TCF4: variants seen among roughly 807,000 people sequenced by gnomAD.
TCF4 encodes the protein transcription factor 4.
A neutral mutation model predicts 82.1 loss-of-function variants in TCF4; 3 were observed. That is an observed-to-expected ratio of 0.04 (90% CI 0.02 to 0.09). The LOEUF (loss-of-function observed/expected upper bound fraction) is 0.09, where lower values mean the gene tolerates loss of function less well. Among genes scored for constraint, TCF4 ranks in the 10% least tolerant of loss-of-function variants. TCF4 has a pLI of 1.00. For synonymous variants in TCF4, 276 were observed against 309.6 expected, an observed-to-expected ratio of 0.89 and a Z score of 1.14; for missense variants, 518 against 852.7, an observed-to-expected ratio of 0.61 and a Z score of 4.89.
intron 6 of TCF4, among the ~76,000 whole-genome samples, chr18:55,389,339 C>T (rs73492955): frequency 0.053 from 8,091 of 152,200 alleles, 326 homozygotes; most frequent in African/African-American, 0.11. Context: ...CAGATAGAGA[C>T]GGCAAGCCTA....
At chr18:55,241,591 T>A (rs2051247989) in intron 15 of TCF4, among the ~76,000 whole-genome samples, 1 of 152,228 alleles carries the variant, frequency 6.6e-6, no homozygotes, top group South Asian at 2.1e-4. Flanking sequence ...TGCACAGTCA[T>A]GCTGCTGACC....
chr18:55,621,806 ATTATATAT>A (rs1437363187), intron 2 of TCF4, among the ~76,000 whole-genome samples: 1 of 77,868 alleles, frequency 1.3e-5, no homozygotes, highest in Non-Finnish European at 2.3e-5. Context: ...TATATGTTAT[ATTATATAT>A]TATATTATAT....
chr18:55,332,369 T>C (rs969067156), intron 8 of TCF4: 2 of 151,836 alleles, frequency 1.3e-5, no homozygotes, highest in Admixed American at 6.6e-5. Flanking sequence ...TTAACAGAAA[T>C]ATATGTTCAT....
At chr18:55,380,708 C>A (rs1430258483) in intron 6 of TCF4, among the ~76,000 whole-genome samples, 3 of 152,214 alleles carry the variant, frequency 2.0e-5, no homozygotes, top group African/African-American at 7.2e-5. Context: ...AGCAGGGATG[C>A]TCATTCGCAT....
At chr18:55,593,110 G>A (rs2097687359), upstream of TCF4, among the ~76,000 whole-genome samples, 1 of 152,046 alleles carries the variant, frequency 6.6e-6, no homozygotes, top group Non-Finnish European at 1.5e-5. Context: ...CTATTCTAGG[G>A]GGTAAACTAA....
At chr18:55,608,485 G>T (rs928260308) in intron 2 of TCF4, among the ~76,000 whole-genome samples, 3 of 149,590 alleles carry the variant, frequency 2.0e-5, no homozygotes, top group Admixed American at 6.8e-5. Context: ...AGTTAAATAC[G>T]CATCTCCATT....
At chr18:55,526,557 T>C (rs1237949295) in intron 3 of TCF4, among the ~76,000 whole-genome samples, 1 of 152,118 alleles carries the variant, frequency 6.6e-6, no homozygotes, top group African/African-American at 2.4e-5. Context: ...TGACACCACA[T>C]GGGGCAAGAT....
At chr18:55,335,499 T>C (rs971492343) in intron 8 of TCF4, among the ~76,000 whole-genome samples, 5 of 152,190 alleles carry the variant, frequency 3.3e-5, no homozygotes, top group Non-Finnish European at 7.4e-5. Context: ...CTTTGCCTTT[T>C]TACTAGGCAT....
intron 6 of TCF4, among the ~76,000 whole-genome samples, chr18:55,359,504 C>A (rs2084519848): frequency 6.6e-6 from 1 of 152,136 alleles, no homozygotes; most frequent in African/African-American, 2.4e-5. Context: ...ACAGGGTGGG[C>A]CCCGGTACAC....
chr18:55,423,089 C>T (rs2094837019), intron 5 of TCF4, among the ~76,000 whole-genome samples: 1 of 151,398 alleles, frequency 6.6e-6, no homozygotes, highest in African/African-American at 2.4e-5. Flanking sequence ...TTGAAAAGGG[C>T]TAGGTTAAAG....
At chr18:55,495,518 G>A (rs2096625264) in intron 3 of TCF4, 1 of 152,102 alleles carries the variant, frequency 6.6e-6, no homozygotes, top group Non-Finnish European at 1.5e-5. Context: ...TTTTATGAGA[G>A]CTAATTCTGT....
intron 3 of TCF4, among the ~76,000 whole-genome samples, chr18:55,479,644 C>T (rs1312305185): frequency 6.6e-6 from 1 of 152,094 alleles, no homozygotes; most frequent in African/African-American, 2.4e-5. Context: ...CAGCCTGATG[C>T]CAATATCTAG....
At chr18:55,231,600 C>T (rs12966260) in intron 17 of TCF4, 8,193 of 152,250 alleles carry the variant, frequency 0.054, 308 homozygotes, top group Non-Finnish European at 0.083. Flanking sequence ...GTATGAAATC[C>T]CCTCCTTGGG....
chr18:55,536,239 AAATCAATATT>A (rs1312287895), intron 3 of TCF4, among the ~76,000 whole-genome samples: 3 of 152,210 alleles, frequency 2.0e-5, no homozygotes, highest in Non-Finnish European at 2.9e-5. Context: ...AACTATTAAT[AAATCAATATT>A]TTCCTACTAT....
At position 55,468,071 on chromosome 18, in the gene TCF4, C is replaced by G. The variant is rs531726422; in HGVS notation, c.146-3934G>C. ...TAACCAGCTGAACGTTCCCTCCTGT[C>G]ACTTCTCCCCACGCAGAGTGAATAT... On this transcript the variant is annotated intron_variant, in intron 3 of 19. Coordinates refer to ENST00000354452, the MANE Select transcript of TCF4 (RefSeq NM_001083962.2). Among the ~76,000 whole-genome samples the G allele has an allele frequency of 7.7e-4, 118 of 152,294 alleles. 1 individual carries two copies. The highest frequency in any genetic ancestry group is 2.5e-3 in the African/African-American group (105 of 41,574).
At chr18:55,254,987 C>T (rs1230015687) in intron 14 of TCF4, among the ~76,000 whole-genome samples, 1 of 152,022 alleles carries the variant, frequency 6.6e-6, no homozygotes, top group East Asian at 1.9e-4. Flanking sequence ...TTTTGAAAGG[C>T]AATTTAAATT....
At chr18:55,268,072 T>C (rs2059580718) in intron 11 of TCF4, 1 of 152,142 alleles carries the variant, frequency 6.6e-6, no homozygotes, top group Non-Finnish European at 1.5e-5. Context: ...AACCACCCTA[T>C]TTCCTGATAT....
intron 5 of TCF4, among the ~76,000 whole-genome samples, chr18:55,407,707 G>A (rs756703998): frequency 7.3e-5 from 11 of 149,992 alleles, no homozygotes; most frequent in Non-Finnish European, 1.3e-4. Context: ...CTTTTATCTT[G>A]CTGTCCCAAG....
chr18:55,367,888 G>A (rs916098206), intron 6 of TCF4, among the ~76,000 whole-genome samples: 1 of 152,148 alleles, frequency 6.6e-6, no homozygotes, highest in Non-Finnish European at 1.5e-5. Context: ...TTTACTTATG[G>A]CTATTTTGCA....
Sources: allele counts gnomAD v4.1 joint callset (sites outside exome capture counted in the v4.1 genomes callset), GRCh38; gene constraint gnomAD v4.1.1; transcripts MANE v1.5; gene names NCBI Gene and HGNC (gene_info 2026-07-23, HGNC 2026-07-21).